Variants in KAZN observed in about 807,000 individuals in gnomAD.
KAZN encodes kazrin.
Under a neutral mutation model 87.4 loss-of-function variants are expected in KAZN, and 40 were observed. The ratio of observed to expected loss-of-function variants is 0.46; its 90% CI spans 0.36 to 0.60. The LOEUF is 0.60. Ranked by LOEUF, KAZN falls within the 20% of genes least tolerant of loss-of-function variation. KAZN has a pLI of 0.00. For synonymous variants in KAZN, 466 were observed against 458.3 expected, an observed-to-expected ratio of 1.02 and a Z score of -0.22; for missense variants, 898 against 1,073.9, an observed-to-expected ratio of 0.84 and a Z score of 2.29.
At chr1:14,174,914 G>T (rs1334486730) in intron 1 of KAZN, among the ~76,000 whole-genome samples, 1 of 152,172 alleles carries the variant, frequency 6.6e-6, no homozygotes, top group Non-Finnish European at 1.5e-5. Flanking sequence ...TAAAGATTCA[G>T]CTTGGGCACG....
At chr1:14,342,887 T>A (rs902393849) in intron 2 of KAZN, among the ~76,000 whole-genome samples, 2 of 152,154 alleles carry the variant, frequency 1.3e-5, no homozygotes, top group African/African-American at 2.4e-5. Context: ...ACGCCTGTAA[T>A]CCCAGCATTT....
chr1:14,102,002 T>G (rs1277672627), intron 1 of KAZN, among the ~76,000 whole-genome samples: 1 of 152,174 alleles, frequency 6.6e-6, no homozygotes, highest in Non-Finnish European at 1.5e-5. Context: ...AACTTCAGGA[T>G]ATTTTTAAAC....
At chr1:14,643,502 C>A (rs1452627873) in intron 1 of KAZN, among the ~76,000 whole-genome samples, 1 of 152,178 alleles carries the variant, frequency 6.6e-6, no homozygotes, top group Non-Finnish European at 1.5e-5. Flanking sequence ...GACATGATCT[C>A]GTTTTTTATG....
At chr1:14,829,115 TAGC>T (rs1207605062) in intron 1 of KAZN, among the ~76,000 whole-genome samples, 1 of 152,148 alleles carries the variant, frequency 6.6e-6, no homozygotes, top group Non-Finnish European at 1.5e-5. Context: ...GGGGCTCTGT[TAGC>T]AGGAAAGGAG....
Position 14,176,582 on chromosome 1 carries a change from CCTT to C in KAZN, c.92-3850_92-3848del, listed in dbSNP as rs1646080458. On this transcript the variant is annotated intron_variant, in intron 1 of 16. Transcript: ENST00000636203. ...TCAGGCCATATTCTTTCTAGTCCAT[CCTT>C]CTCTGTTTTAGCCAAGCTCCCCTCT... Among the ~76,000 whole-genome samples the C allele has an allele frequency of 4.6e-5, 7 of 152,246 alleles. No individual in the cohort carries two copies. In the South Asian group the frequency reaches 1.5e-3, roughly 32 times the overall value.
At chr1:15,027,509 TAGA>T (rs1346000957) in intron 2 of KAZN, among the ~76,000 whole-genome samples, 5 of 152,212 alleles carry the variant, frequency 3.3e-5, no homozygotes, top group African/African-American at 1.2e-4. Flanking sequence ...GAAGCTGAGC[TAGA>T]AGAACTCCGA....
At chr1:14,400,085 G>A (rs748398306) in intron 2 of KAZN, among the ~76,000 whole-genome samples, 5 of 152,106 alleles carry the variant, frequency 3.3e-5, no homozygotes, top group African/African-American at 4.8e-5. Flanking sequence ...CAGTGATCTC[G>A]TAAGCTCCGG....
intron 1 of KAZN, among the ~76,000 whole-genome samples, chr1:14,061,242 A>G (rs1263973508): frequency 2.0e-5 from 3 of 152,176 alleles, no homozygotes; most frequent in Non-Finnish European, 4.4e-5. Flanking sequence ...AGAGACCCCT[A>G]TGTCACCTGG....
rs141862663 is a variant in KAZN, at chr1:14,336,845, T to G, written c.249+156253T>G. 5.2e-3 allele frequency among the ~76,000 whole-genome samples: 787 copies of G among 152,356 alleles called. 10 individuals are homozygous for G. Among genetic ancestry groups the G allele is most frequent in the African/African-American group, 0.018 (754 of 41,584 alleles). On this transcript the variant is annotated intron_variant, in intron 2 of 16. Coordinates refer to the KAZN transcript ENST00000636203. ...TTTTTTTATATAATCTGGTACTATA[T>G]TCTTAGCAGATATATGATTTGCAAA...
Position 14,599,395 on chromosome 1 carries a change from G to A in KAZN, c.226+172G>A, listed in dbSNP as rs2148595173. 6.6e-6 allele frequency among the ~76,000 whole-genome samples: 1 copy of A among 152,228 alleles called. No homozygotes were observed. Among genetic ancestry groups the A allele is most frequent in the South Asian group, 2.1e-4 (1 of 4,828 alleles). On this transcript the variant is annotated intron_variant, in intron 1 of 14. Transcript: ENST00000376030. This position sits in a 1 kb window ranked among gnomAD's most constrained non-coding sequence, Gnocchi z 4.4. The stretch of plus-strand genomic sequence containing the variant: ...CGCTGCTCTCCGGCTGGGAGTTGCA[G>A]GCTGCTGTCATTCACGAAAACCCGA...
At chr1:14,700,195 T>C (rs1336707743) in intron 1 of KAZN, among the ~76,000 whole-genome samples, 1 of 152,176 alleles carries the variant, frequency 6.6e-6, no homozygotes, top group Non-Finnish European at 1.5e-5. Flanking sequence ...CTGCCAGCAA[T>C]ATCATGGGAA....
rs1570348525 is a variant in KAZN at position 13,943,727 on chromosome 1, A to G, written c.91+49971A>G. On this transcript the variant is annotated intron_variant, in intron 1 of 16. Transcript: ENST00000636203. Reference sequence around the variant, plus strand: ...TGATTTTCTAAAACAAATAATATATATAAATAAAAAAGAAGCCTATATGGT... The same window carrying G: ...TGATTTTCTAAAACAAATAATATATGTAAATAAAAAAGAAGCCTATATGGT... Among the ~76,000 whole-genome samples the G allele has an allele frequency of 2.6e-5, 4 of 152,026 alleles. 1 individual carries two copies. The East Asian group carries it at 7.7e-4, about 29-fold the overall frequency.
rs887777648 is a variant in KAZN at position 14,769,025 on chromosome 1, C to A, written c.226+169802C>A. Among the ~76,000 whole-genome samples the A allele has an allele frequency of 1.3e-5, 2 of 152,170 alleles. No homozygotes were observed. Among genetic ancestry groups the A allele is most frequent in the Non-Finnish European group, 2.9e-5 (2 of 68,028 alleles). ...AATTCTTCACAGCTAGTTGACTTTC[C>A]GTAAAAGCTTCTGAGTTAATGAGTG... On this transcript the variant is annotated intron_variant, in intron 1 of 14. Transcript: ENST00000376030. The surrounding 1 kb of genome is among the most constrained non-coding windows in gnomAD (Gnocchi z 4.1).
chr1:14,383,780 G>T (rs557242449), intron 2 of KAZN, among the ~76,000 whole-genome samples: 26 of 152,110 alleles, frequency 1.7e-4, no homozygotes, highest in Non-Finnish European at 3.5e-4. Flanking sequence ...TTTGGCTTAG[G>T]ATTGACTTGG....
At chr1:15,037,681 G>A (rs1360847293) in intron 3 of KAZN, among the ~76,000 whole-genome samples, 4 of 151,986 alleles carry the variant, frequency 2.6e-5, no homozygotes, top group Non-Finnish European at 4.4e-5. Context: ...CCCCTCTGCC[G>A]GCCCCTCACC....
chr1:13,929,047 CTTTTTTTTTTT>C (rs33984927), intron 1 of KAZN, among the ~76,000 whole-genome samples: 15 of 101,540 alleles, frequency 1.5e-4, no homozygotes, highest in Non-Finnish European at 2.8e-4. Context: ...AGCTTCAAGG[CTTTTTTTTTTT>C]TTTTTTTTTT....
chr1:14,576,349 G>A (rs187570962), intron 2 of KAZN, among the ~76,000 whole-genome samples: 33 of 151,706 alleles, frequency 2.2e-4, no homozygotes, highest in African/African-American at 8.0e-4. Flanking sequence ...CAGATAAATA[G>A]ATGGGTAGAT....
At chr1:14,167,028 G>A (rs952620972) in intron 1 of KAZN, among the ~76,000 whole-genome samples, 4 of 152,142 alleles carry the variant, frequency 2.6e-5, no homozygotes, top group African/African-American at 7.2e-5. Context: ...AAATGTTCTA[G>A]GGATCAAGGA....
intron 1 of KAZN, among the ~76,000 whole-genome samples, chr1:14,600,579 T>C (rs1048556480): frequency 1.3e-5 from 2 of 150,996 alleles, no homozygotes; most frequent in African/African-American, 4.9e-5. Flanking sequence ...GTGGTCCTAG[T>C]GCTTGCTGCA....
Sources: allele counts gnomAD v4.1 joint callset (sites outside exome capture counted in the v4.1 genomes callset), GRCh38; gene constraint gnomAD v4.1.1; non-coding constraint Gnocchi (gnomAD v3.1); transcripts MANE v1.5; gene names NCBI Gene and HGNC (gene_info 2026-07-23, HGNC 2026-07-21).